The following DYRK1A variants were observed in gnomAD, a reference collection of about 807,000 sequenced individuals.
DYRK1A encodes the protein dual specificity tyrosine phosphorylation regulated kinase 1A.
In DYRK1A, 9 loss-of-function variants were observed where a neutral mutation model predicts 79.7. That is an observed-to-expected ratio of 0.11 (90% CI 0.07 to 0.20). The LOEUF is 0.20. DYRK1A is among the 10% of genes least tolerant of loss of function. The pLI, the probability that DYRK1A is intolerant of heterozygous loss-of-function variation, is 1.00. For missense variants in DYRK1A, 622 were observed against 956.0 expected (o/e 0.65, Z 4.61); for synonymous variants, 349 against 329.7 (o/e 1.06, Z -0.63).
At chr21:37,500,598 G>A (rs1179371066) in intron 9 of DYRK1A, among the ~76,000 whole-genome samples, 1 of 152,008 alleles carries the variant, frequency 6.6e-6, no homozygotes, top group Non-Finnish European at 1.5e-5. Flanking sequence ...CAGAACCTGC[G>A]ACATTTTTTG....
chr21:37,381,702 C>G (rs771177505), intron 1 of DYRK1A, among the ~76,000 whole-genome samples: 3 of 152,120 alleles, frequency 2.0e-5, no homozygotes, highest in Admixed American at 6.6e-5. Context: ...GCAGGAGGAT[C>G]GCTTGATTCT....
intron 1 of DYRK1A, chr21:37,415,628 CA>C (rs1017202157): frequency 1.3e-5 from 2 of 151,718 alleles, no homozygotes; most frequent in African/African-American, 4.8e-5. Flanking sequence ...CACACCCAAC[CA>C]AGTTTTTTAT....
At chr21:37,414,292 A>G (rs2050296558) in intron 1 of DYRK1A, among the ~76,000 whole-genome samples, 1 of 152,038 alleles carries the variant, frequency 6.6e-6, no homozygotes, top group Non-Finnish European at 1.5e-5. Flanking sequence ...TCAGTTTAAT[A>G]TGGCCAAAAG....
intron 1 of DYRK1A, among the ~76,000 whole-genome samples, chr21:37,386,481 A>T (rs2049763009): frequency 6.6e-6 from 1 of 152,188 alleles, no homozygotes; most frequent in Non-Finnish European, 1.5e-5. Context: ...GGATCTTTGC[A>T]CATCTAAAAC....
intron 1 of DYRK1A, among the ~76,000 whole-genome samples, chr21:37,384,199 G>C (rs1219175765): frequency 6.6e-6 from 1 of 152,154 alleles, no homozygotes. Context: ...TGTCATTTGA[G>C]GAGCAGAGTT....
At chr21:37,487,829 C>T (rs1263960638) in intron 6 of DYRK1A, 1 of 151,920 alleles carries the variant, frequency 6.6e-6, no homozygotes, top group East Asian at 1.9e-4. Flanking sequence ...CATAATAATA[C>T]CATTCTTATC....
chr21:37,460,615 C>T (rs1052903553), intron 2 of DYRK1A, among the ~76,000 whole-genome samples: 5 of 152,190 alleles, frequency 3.3e-5, no homozygotes, highest in African/African-American at 9.7e-5. Context: ...TTCCAAACGT[C>T]CCTACGCTCA....
In DYRK1A at chr21:37,478,163, CT is replaced by C. The variant is rs746060894; in HGVS notation, c.208-41del. Reference sequence around the variant, plus strand: ...TATATCTTATAGTTAAAGTGCTAGTCTTTTCTGTCTATTTAAGGTGATGCCT... The same window carrying C: ...TATATCTTATAGTTAAAGTGCTAGTCTTTCTGTCTATTTAAGGTGATGCCT... On this transcript the variant is annotated intron_variant, in intron 3 of 11. Coordinates refer to ENST00000647188, the MANE Select transcript of DYRK1A (RefSeq NM_001347721.2). 6.2e-7 allele frequency: 1 copy of C among 1,610,032 alleles called. No individual in the cohort carries two copies. Among genetic ancestry groups the C allele is most frequent in the Non-Finnish European group, 8.5e-7 (1 of 1,178,718 alleles).
chr21:37,370,368 G>C (rs2049405613), intron 1 of DYRK1A, among the ~76,000 whole-genome samples: 1 of 151,702 alleles, frequency 6.6e-6, no homozygotes, highest in Non-Finnish European at 1.5e-5. Context: ...TGGTTGACAA[G>C]TATCTAGTTA....
intron 2 of DYRK1A, among the ~76,000 whole-genome samples, chr21:37,468,235 C>T (rs2052100341): frequency 6.6e-6 from 1 of 151,986 alleles, no homozygotes; most frequent in African/African-American, 2.4e-5. Context: ...CCCGAGCCTC[C>T]TGAGTAATTG....
chr21:37,418,964 A>C (rs1008789591), intron 1 of DYRK1A: 2 of 152,312 alleles, frequency 1.3e-5, no homozygotes, highest in East Asian at 1.9e-4. Flanking sequence ...TATTGCTGCT[A>C]TTTGGAGTAC....
chr21:37,376,864 C>T (rs1052367809), intron 1 of DYRK1A, among the ~76,000 whole-genome samples: 5 of 152,068 alleles, frequency 3.3e-5, no homozygotes, highest in South Asian at 2.1e-4. Flanking sequence ...CAGATCATTT[C>T]CCCCTTCTCA....
At chr21:37,400,849 A>T (rs1014372561) in intron 1 of DYRK1A, among the ~76,000 whole-genome samples, 1 of 152,198 alleles carries the variant, frequency 6.6e-6, no homozygotes, top group African/African-American at 2.4e-5. Flanking sequence ...GGTTAAATCA[A>T]GGTTGAAAAT....
intron 2 of DYRK1A, among the ~76,000 whole-genome samples, chr21:37,463,897 A>G (rs2051936130): frequency 6.6e-6 from 1 of 152,168 alleles, no homozygotes; most frequent in African/African-American, 2.4e-5. Context: ...CCACATTTAG[A>G]TGCTATAGTT....
chr21:37,470,061 G>A (rs908764214), intron 2 of DYRK1A, among the ~76,000 whole-genome samples: 6 of 152,108 alleles, frequency 3.9e-5, no homozygotes, highest in Non-Finnish European at 7.4e-5. Flanking sequence ...GGAGAATGGC[G>A]TGAACCTGGG....
intron 1 of DYRK1A, among the ~76,000 whole-genome samples, chr21:37,404,282 C>T (rs1018961717): frequency 1.3e-5 from 2 of 152,034 alleles, no homozygotes; most frequent in African/African-American, 4.8e-5. Context: ...ACCCTGTGGC[C>T]TAGGCAGGTT....
chr21:37,402,586 A>G (rs1224621929), intron 1 of DYRK1A, among the ~76,000 whole-genome samples: 7 of 152,166 alleles, frequency 4.6e-5, no homozygotes, highest in Admixed American at 4.6e-4. Context: ...TATGGTTATC[A>G]TTTGAAAGAT....
chr21:37,435,365 G>C (rs554800366), intron 2 of DYRK1A, among the ~76,000 whole-genome samples: 2 of 152,332 alleles, frequency 1.3e-5, no homozygotes, highest in African/African-American at 2.4e-5. Flanking sequence ...TCTGTGTGCT[G>C]TTCTGCTGCA....
intron 2 of DYRK1A, chr21:37,421,830 A>G (rs2050484394): frequency 6.6e-6 from 1 of 152,156 alleles, no homozygotes; most frequent in African/African-American, 2.4e-5. Context: ...TATACTGCAC[A>G]TTGGCTATAC....
Sources: gnomAD v4.1 joint callset for allele counts (sites outside exome capture counted in the v4.1 genomes callset) on GRCh38, gnomAD v4.1.1 for gene constraint, MANE v1.5 for transcripts, NCBI Gene and HGNC (gene_info 2026-07-23, HGNC 2026-07-21) for gene names.